The following KIF20B variants were observed in gnomAD, a reference collection of about 807,000 sequenced individuals.
KIF20B encodes kinesin family member 20B, also known as kinesin-like protein KIF20B.
Under a neutral mutation model 232.5 loss-of-function variants are expected in KIF20B, and 188 were observed. That is an observed-to-expected ratio of 0.81 (90% CI 0.72 to 0.91). The LOEUF (loss-of-function observed/expected upper bound fraction) is 0.91, where lower values mean the gene tolerates loss of function less well. Ranked by LOEUF, KIF20B falls within the 40% of genes least tolerant of loss-of-function variation. The probability of loss-of-function intolerance (pLI) is 0.00; values close to 1 mark genes in which losing one functional copy is unlikely to be tolerated. For missense variants in KIF20B, 2,154 were observed against 2,055.9 expected (o/e 1.05, Z -0.92); for synonymous variants, 712 against 683.0 (o/e 1.04, Z -0.66).
chr10:89,740,360 G>T (rs935153316), intron 21 of KIF20B, among the ~76,000 whole-genome samples: 2 of 151,880 alleles, frequency 1.3e-5, no homozygotes, highest in Non-Finnish European at 2.9e-5. Flanking sequence ...CAGATTAAGG[G>T]GGACAGAGGG....
intron 29 of KIF20B, among the ~76,000 whole-genome samples, chr10:89,766,613 T>C (rs75032585): frequency 0.027 from 4,085 of 152,178 alleles, 359 homozygotes; most frequent in East Asian, 0.27. Context: ...TGTTTTAAGC[T>C]TAAAACTAAT....
intron 19 of KIF20B, 109 bp downstream of exon 19, chr10:89,733,165 G>A: frequency 8.8e-7 from 1 of 1,139,378 alleles, no homozygotes; most frequent in Non-Finnish European, 1.3e-6. Context: ...AAAATCTTGA[G>A]AAAATCTAAA....
chr10:89,709,747 G>A (rs1842800407), intron 4 of KIF20B, among the ~76,000 whole-genome samples, 180 bp from the exon 5 acceptor site: 1 of 152,046 alleles, frequency 6.6e-6, no homozygotes, highest in Non-Finnish European at 1.5e-5. Context: ...CCCTGGTACA[G>A]ATTTCTATCT....
chr10:89,744,860 A>G (rs1399628845), intron 22 of KIF20B, among the ~76,000 whole-genome samples: 1 of 152,182 alleles, frequency 6.6e-6, no homozygotes, highest in Non-Finnish European at 1.5e-5. Context: ...TTCCATAATG[A>G]TTCACTCTTA....
At chr10:89,717,781 C>T in intron 11 of KIF20B, 59 bp downstream of exon 11, 1 of 1,285,508 alleles carries the variant, frequency 7.8e-7, no homozygotes, top group Non-Finnish European at 1.1e-6. Flanking sequence ...AAACTTTCAA[C>T]TTTTTTGTTT....
At chr10:89,756,439 A>C (rs975335778) in intron 26 of KIF20B, among the ~76,000 whole-genome samples, 1 of 152,214 alleles carries the variant, frequency 6.6e-6, no homozygotes, top group Non-Finnish European at 1.5e-5. Flanking sequence ...AATCCTAGGG[A>C]AAGCTAGTTT....
At chr10:89,738,915 G>A (rs771143416) in intron 20 of KIF20B, 43 bp from the exon 21 acceptor site, 1 of 1,582,588 alleles carries the variant, frequency 6.3e-7, no homozygotes, top group Non-Finnish European at 8.6e-7. Context: ...GTCCTAAGCA[G>A]TTAATGATGC....
rs140968638 is a variant in KIF20B at position 89,743,851 on chromosome 10, T to A, written c.3959T>A (p.Ile1320Asn). ...GAGGATAAATTACTGAGGATTAAAATTAATGAACTGGAGAAAAAGAAAAAC... is the reference window on the plus strand; with the variant it reads ...GAGGATAAATTACTGAGGATTAAAAATAATGAACTGGAGAAAAAGAAAAAC... The part of the protein sequence containing the change: ...RDEDKLLRIK[I>N]NELEKKKNQC... The change falls in exon 22 of 33, where the codon ATT (isoleucine) becomes AAT (asparagine). Residue 1320 changes from isoleucine (I) to asparagine (N), a missense_variant. Physicochemically the swap from Ile to Asn is moderately radical, Grantham distance 149 (BLOSUM62 -3). Coordinates refer to ENST00000371728, the MANE Select transcript of KIF20B (RefSeq NM_001284259.2). 6.4e-7 allele frequency: 1 copy of A among 1,565,402 alleles called. No homozygotes were observed. The highest frequency in any genetic ancestry group is 1.4e-5 in the African/African-American group (1 of 72,878).
chr10:89,712,222 C>T (rs572707392), intron 6 of KIF20B, among the ~76,000 whole-genome samples: 2 of 151,884 alleles, frequency 1.3e-5, no homozygotes, highest in East Asian at 1.9e-4. Flanking sequence ...TTTGCTTCTC[C>T]CCTGCCCCCA....
chr10:89,718,897 CTTA>C (rs1842991321), intron 12 of KIF20B, 25 bp downstream of exon 12: 7 of 1,361,506 alleles, frequency 5.1e-6, no homozygotes, highest in Admixed American at 2.5e-5. Context: ...TATTAAGCCT[CTTA>C]TTATTAGAAT....
At chr10:89,748,411 A>T (rs1332827559) in intron 23 of KIF20B, among the ~76,000 whole-genome samples, 2 of 152,212 alleles carry the variant, frequency 1.3e-5, no homozygotes, top group East Asian at 3.9e-4. Flanking sequence ...TGAGTGGCAG[A>T]ACTAGGATTT....
chr10:89,725,541 A>G (rs757232276), intron 15 of KIF20B, among the ~76,000 whole-genome samples: 15 of 152,188 alleles, frequency 9.9e-5, no homozygotes, highest in Non-Finnish European at 1.8e-4. Context: ...ATGTTTATGT[A>G]TAAAAAGGGT....
At chr10:89,717,754 T>G (rs1480614217) in intron 11 of KIF20B, 32 bp downstream of exon 11, 5 of 1,459,572 alleles carry the variant, frequency 3.4e-6, no homozygotes, top group Non-Finnish European at 4.6e-6. Context: ...ATTAGCATAT[T>G]AAATATTACA....
Position 89,743,074 on chromosome 10 carries a change from A to G in KIF20B, c.3916-734A>G, listed in dbSNP as rs78652736. On this transcript the variant is annotated intron_variant, in intron 21 of 32. Transcript: ENST00000371728. ...TTTGAGCTCTCTAGCGAGTGTGAAA[A>G]TGGAGTTTTGGCAGTAAAGCTCCAC... Among the ~76,000 whole-genome samples, 23 of 152,188 alleles carry G rather than the reference A, an allele frequency of 1.5e-4. 1 individual carries two copies. In the East Asian group the frequency reaches 4.5e-3, roughly 29 times the overall value.
At chr10:89,709,072 G>A (rs117252630) in intron 2 of KIF20B, 95 bp from the exon 3 acceptor site, 19,368 of 801,394 alleles carry the variant, frequency 0.024, 318 homozygotes, top group South Asian at 0.031. Flanking sequence ...TATCATCTCA[G>A]ATTATTATGT....
In KIF20B at chr10:89,718,790, G is replaced by A. The variant is rs1372331213; in HGVS notation, c.1352G>A (p.Cys451Tyr). ...TTTTTTAATGGTAAAGGGAAAATTT[G>A]TATGATTGTCAATATCAGCCAATGT... ...QSFFNGKGKI[C>Y]MIVNISQCYL... is the part of the protein sequence containing the mutation. Residue 451 changes from cysteine (C) to tyrosine (Y), a missense_variant, in exon 12 of 33, where the codon TGT (cysteine) becomes TAT (tyrosine). Transcript: ENST00000371728. 63 of 1,610,226 alleles carry A rather than the reference G, an allele frequency of 3.9e-5. No homozygotes were observed. The highest frequency in any genetic ancestry group is 5.2e-5 in the Non-Finnish European group (61 of 1,177,414).
chr10:89,719,195 A>T (rs1447884161), intron 12 of KIF20B, among the ~76,000 whole-genome samples: 1 of 152,178 alleles, frequency 6.6e-6, no homozygotes, highest in Non-Finnish European at 1.5e-5. Context: ...AATACTGAAC[A>T]CTTAGCCCAG....
At chr10:89,753,919 A>G (rs1353510950) in intron 25 of KIF20B, among the ~76,000 whole-genome samples, 1 of 152,072 alleles carries the variant, frequency 6.6e-6, no homozygotes, top group Non-Finnish European at 1.5e-5. Flanking sequence ...CACCCAGCCT[A>G]GAAGTTTTTT....
chr10:89,740,524 C>T (rs1014598854), intron 21 of KIF20B, among the ~76,000 whole-genome samples: 1 of 152,110 alleles, frequency 6.6e-6, no homozygotes, highest in Non-Finnish European at 1.5e-5. Flanking sequence ...GTGGGTGGGA[C>T]TGAAATTTCC....
Sources: gnomAD v4.1 joint callset for allele counts (sites outside exome capture counted in the v4.1 genomes callset) on GRCh38, gnomAD v4.1.1 for gene constraint, MANE v1.5 for transcripts, NCBI Gene and HGNC (gene_info 2026-07-23, HGNC 2026-07-21) for gene names.